The following CTIF variants were observed in gnomAD, a reference collection of about 807,000 sequenced individuals.
CTIF encodes cap binding complex dependent translation initiation factor.
A neutral mutation model predicts 66.0 loss-of-function variants in CTIF; 21 were observed. That is an observed-to-expected ratio of 0.32 (90% CI 0.23 to 0.46). The LOEUF (loss-of-function observed/expected upper bound fraction) is 0.46, where lower values mean the gene tolerates loss of function less well. Among genes scored for constraint, CTIF ranks in the 20% least tolerant of loss-of-function variants. The pLI is 1.00. For synonymous variants in CTIF, 345 were observed against 326.4 expected (o/e 1.06, Z -0.62); for missense variants, 739 against 812.7 (o/e 0.91, Z 1.10).
chr18:48,553,401 C>T (rs1281434853), intron 1 of CTIF, among the ~76,000 whole-genome samples: 1 of 152,186 alleles, frequency 6.6e-6, no homozygotes, highest in Non-Finnish European at 1.5e-5. Context: ...TTCCCTCCAT[C>T]CTGTTTCCGT....
intron 5 of CTIF, among the ~76,000 whole-genome samples, chr18:48,668,531 G>A (rs2091472580): frequency 1.3e-5 from 2 of 152,312 alleles, no homozygotes; most frequent in South Asian, 4.1e-4. Flanking sequence ...GGGGCCGGGG[G>A]AAACTTTTTC....
At chr18:48,777,303 G>A (rs1217682385) in intron 9 of CTIF, among the ~76,000 whole-genome samples, 1 of 152,198 alleles carries the variant, frequency 6.6e-6, no homozygotes. Flanking sequence ...CCACCTCCCA[G>A]CATCTTGGCA....
chr18:48,651,847 A>C (rs1380826033), intron 3 of CTIF, among the ~76,000 whole-genome samples: 1 of 152,226 alleles, frequency 6.6e-6, no homozygotes, highest in East Asian at 1.9e-4. Flanking sequence ...GAAACTGAAC[A>C]ACCTGCTCCT....
intron 7 of CTIF, among the ~76,000 whole-genome samples, chr18:48,715,611 G>A (rs1472486133): frequency 6.6e-6 from 1 of 152,126 alleles, no homozygotes; most frequent in Non-Finnish European, 1.5e-5. Flanking sequence ...AGTTGACCCT[G>A]AGTGAGGTCC....
At chr18:48,853,708 C>T (rs777985871) in intron 10 of CTIF, among the ~76,000 whole-genome samples, 9 of 152,228 alleles carry the variant, frequency 5.9e-5, no homozygotes, top group Non-Finnish European at 1.0e-4. Flanking sequence ...GGAGCCTGCA[C>T]CCTAGTTTGG....
At chr18:48,553,491 AG>A (rs2088939095) in intron 1 of CTIF, among the ~76,000 whole-genome samples, 1 of 152,206 alleles carries the variant, frequency 6.6e-6, no homozygotes, top group Non-Finnish European at 1.5e-5. Context: ...GACTGTAACC[AG>A]GGCAGTCAGA....
intron 10 of CTIF, among the ~76,000 whole-genome samples, chr18:48,857,115 A>T (rs963339258): frequency 6.6e-6 from 1 of 152,010 alleles, no homozygotes; most frequent in African/African-American, 2.4e-5. Flanking sequence ...GAGGGCTTTG[A>T]CTCCTGGACT....
rs759009342 is a variant in CTIF at position 48,741,274 on chromosome 18, G to GCC, written c.585-16641_585-16640dup. Among the ~76,000 whole-genome samples, 330 of 99,866 alleles carry GCC rather than the reference G, an allele frequency of 3.3e-3. 3 individuals carry two copies. Among genetic ancestry groups the GCC allele is most frequent in the Non-Finnish European group, 5.1e-3 (240 of 47,284 alleles). 65.5% of individuals were successfully genotyped at this position (99,866 alleles called of 152,430 possible). ...CCAGCCAGGGTCTGCTCTTTACTCT[G>GCC]CCCCCGCCCCCCCTCCTTGGTACAT... is the stretch of plus-strand genomic sequence containing the variant. On this transcript the variant is annotated intron_variant, in intron 7 of 11. Coordinates refer to ENST00000256413, the MANE Select transcript of CTIF (RefSeq NM_014772.3).
chr18:48,638,360 A>G (rs1160539428), intron 3 of CTIF, among the ~76,000 whole-genome samples: 3 of 152,138 alleles, frequency 2.0e-5, no homozygotes, highest in Non-Finnish European at 4.4e-5. Context: ...GAATGTTCCA[A>G]TGAAGAGTCC....
Position 48,817,201 on chromosome 18 carries a change from G to A in CTIF, c.1372-20G>A, listed in dbSNP as rs200481249. The A allele has an allele frequency of 2.7e-5, 44 of 1,609,518 alleles. 1 individual carries two copies. In the Admixed American group the frequency reaches 3.8e-4, roughly 14 times the overall value. ...CTCCCCAGCCCCGGGAGGCTGACGC[G>A]GTCTCTCATGCCTCCACAGAAGGAC... On this transcript the variant is annotated intron_variant, in intron 9 of 11. Transcript: ENST00000256413.
chr18:48,791,112 C>T (rs931307217), intron 9 of CTIF, among the ~76,000 whole-genome samples: 8 of 152,332 alleles, frequency 5.3e-5, no homozygotes, highest in African/African-American at 1.9e-4. Context: ...CACTGTGGCT[C>T]AGGCCCAGAG....
chr18:48,849,858 A>G (rs2069162486), intron 10 of CTIF, among the ~76,000 whole-genome samples: 1 of 152,194 alleles, frequency 6.6e-6, no homozygotes, highest in African/African-American at 2.4e-5. Context: ...TGCTGGGATT[A>G]CAGGCGTGAG....
At chr18:48,670,822 C>A in intron 6 of CTIF, 78 bp downstream of exon 6, 4 of 1,224,548 alleles carry the variant, frequency 3.3e-6, no homozygotes, top group South Asian at 1.2e-5. Context: ...AGGACCTAAC[C>A]AAAGCACTCC....
chr18:48,548,934 G>A (rs1036979290), intron 1 of CTIF, among the ~76,000 whole-genome samples: 2 of 152,180 alleles, frequency 1.3e-5, no homozygotes, highest in Non-Finnish European at 2.9e-5. Flanking sequence ...GTAAGTATGG[G>A]GTCAGGAGAA....
At chr18:48,679,027 C>T (rs1293122218) in intron 6 of CTIF, among the ~76,000 whole-genome samples, 1 of 152,178 alleles carries the variant, frequency 6.6e-6, no homozygotes, top group East Asian at 1.9e-4. Flanking sequence ...GCCGGCAAAG[C>T]CTAAAATATT....
chr18:48,571,452 G>A (rs554032815), intron 1 of CTIF, among the ~76,000 whole-genome samples: 6 of 152,252 alleles, frequency 3.9e-5, no homozygotes, highest in South Asian at 4.2e-4. Context: ...CACCACACTC[G>A]GCCAGGTAGC....
rs149365792 is a variant in CTIF at position 48,798,084 on chromosome 18, C to T, written c.1372-19137C>T. ...AGCAGACGGGTGAGGAGGTGCCAGA[C>T]AGGATTGATAGTTCCAGCCTCCTGT... On this transcript the variant is annotated intron_variant, in intron 9 of 11. Transcript: ENST00000256413. 4.1e-3 allele frequency among the ~76,000 whole-genome samples: 625 copies of T among 152,324 alleles called. 10 individuals are homozygous for T. The highest frequency in any genetic ancestry group is 0.03 in the South Asian group (145 of 4,822).
At chr18:48,674,324 A>T (rs2091590092) in intron 6 of CTIF, among the ~76,000 whole-genome samples, 1 of 152,142 alleles carries the variant, frequency 6.6e-6, no homozygotes, top group Non-Finnish European at 1.5e-5. Context: ...CTCCCAGTAC[A>T]CCCCACCTTC....
intron 6 of CTIF, among the ~76,000 whole-genome samples, chr18:48,703,008 T>C (rs1023305138): frequency 7.2e-5 from 11 of 152,248 alleles, no homozygotes; most frequent in Non-Finnish European, 1.5e-4. Flanking sequence ...GGGATTTTTA[T>C]GGTCCTTTAA....
Sources: allele counts gnomAD v4.1 joint callset (sites outside exome capture counted in the v4.1 genomes callset), GRCh38; gene constraint gnomAD v4.1.1; transcripts MANE v1.5; gene names NCBI Gene and HGNC (gene_info 2026-07-23, HGNC 2026-07-21).